Variants in ATN1 observed in about 807,000 individuals in gnomAD.
ATN1 encodes atrophin 1, also known as atrophin-1.
ATN1 carries 19 observed loss-of-function variants against 85.8 expected under a neutral mutation model. The observed-to-expected ratio is 0.22, with a 90% CI of 0.15 to 0.32. The LOEUF is 0.32. Ranked by LOEUF, ATN1 falls within the 10% of genes least tolerant of loss-of-function variation. ATN1 has a pLI of 1.00. For missense variants in ATN1, 1,453 were observed against 1,564.5 expected (o/e 0.93, Z 1.20); for synonymous variants, 674 against 657.0 (o/e 1.03, Z -0.39).
At chr12:6,925,481 C>T (rs1945391017), upstream of ATN1, among the ~76,000 whole-genome samples, 1 of 151,990 alleles carries the variant, frequency 6.6e-6, no homozygotes, top group Admixed American at 6.6e-5. Context: ...TGGGGAGGAG[C>T]AGCAGCTACC....
chr12:6,934,613 G>C lies in ATN1; in HGVS notation c.279+35G>C, dbSNP rs1555143370. On this transcript the variant is annotated intron_variant, in intron 4 of 9. Transcript: ENST00000396684. The surrounding 1 kb of genome is among the most constrained non-coding windows in gnomAD (Gnocchi z 4.5). ...CCTTGTCGCCATCCTGACCCATCTT[G>C]TGACCATTCTTTTCTCAGACTTGCT... 1 of 1,459,704 alleles carries C rather than the reference G, an allele frequency of 6.9e-7. No homozygotes were observed. The highest frequency in any genetic ancestry group is 9.4e-7 in the Non-Finnish European group (1 of 1,063,196). 90.4% of individuals were successfully genotyped at this position (1,459,704 alleles called of 1,614,324 possible). A position where few individuals can be genotyped will look rare whatever the true frequency, so the allele number is the denominator to read the frequency against.
chr12:6,926,166 T>C (rs1180422645), upstream of ATN1, among the ~76,000 whole-genome samples: 1 of 152,096 alleles, frequency 6.6e-6, no homozygotes, highest in Non-Finnish European at 1.5e-5. Flanking sequence ...GGGAGGAGCC[T>C]GCAGTCTGTG....
At chr12:6,933,741 T>G (rs1369970118) in intron 1 of ATN1, 99 bp from the exon 2 acceptor site, 1 of 568,688 alleles carries the variant, frequency 1.8e-6, no homozygotes, top group Non-Finnish European at 3.1e-6. Flanking sequence ...CCCAAAGGCT[T>G]AGGGTTGGGC....
At chr12:6,924,781 C>A (rs1369789028), upstream of ATN1, among the ~76,000 whole-genome samples, 2 of 152,098 alleles carry the variant, frequency 1.3e-5, no homozygotes, top group African/African-American at 4.8e-5. Flanking sequence ...GTTTCCTGTA[C>A]TTTCCTCTGT....
In ATN1 at chr12:6,941,924, G is replaced by A. The variant is rs782276312; in HGVS notation, c.*144G>A. On this transcript the variant is annotated 3_prime_UTR_variant, in exon 10 of 10. Transcript: ENST00000396684. This position sits in a 1 kb window ranked among gnomAD's most constrained non-coding sequence, Gnocchi z 5.9. ...GCCTCCGCAGCTGGACAGAGAGTGG[G>A]GGAGGGAGGGACAGACAGAAGGCCA... 1.9e-5 allele frequency: 15 copies of A among 807,356 alleles called. No homozygotes were observed. The East Asian group carries it at 3.8e-4, about 20-fold the overall frequency. 50.0% of individuals were successfully genotyped at this position (807,356 alleles called of 1,614,324 possible).
At position 6,937,199 on chromosome 12, in the gene ATN1, G is replaced by A. The variant is rs139183408; in HGVS notation, c.1932G>A (p.Pro644=). 124 of 1,610,988 alleles carry A rather than the reference G, an allele frequency of 7.7e-5. No individual in the cohort carries two copies. Among genetic ancestry groups the A allele is most frequent in the Admixed American group, 1.3e-4 (8 of 59,980 alleles). Residue 644 remains proline (P), a synonymous_variant, in exon 5 of 10, where the codon CCG becomes CCA. Coordinates refer to ENST00000396684, the MANE Select transcript of ATN1 (RefSeq NM_001940.4). This position sits in a 1 kb window ranked among gnomAD's most constrained non-coding sequence, Gnocchi z 6.0. ...PGPPPYGKRA[P]SPGAYKTATP... ...CCCCACCGTACGGAAAGAGAGCCCC[G>A]TCCCCGGGGGCCTACAAGACAGCCA...
intron 1 of ATN1, among the ~76,000 whole-genome samples, chr12:6,931,731 G>GAA (rs371352720): frequency 0.022 from 2,613 of 117,972 alleles, 92 homozygotes; most frequent in African/African-American, 0.079. Context: ...AAAAAAAAAG[G>GAA]AAAAAAAAAG....
upstream of ATN1, among the ~76,000 whole-genome samples, chr12:6,927,556 C>A (rs1452139747): frequency 6.7e-6 from 1 of 148,988 alleles, no homozygotes; most frequent in Non-Finnish European, 1.5e-5. Context: ...GGCCCGCGGG[C>A]TCCCCACATT....
chr12:6,928,630 AGGAG>A (rs1555142834), intron 1 of ATN1, among the ~76,000 whole-genome samples: 2 of 152,128 alleles, frequency 1.3e-5, no homozygotes, highest in African/African-American at 4.8e-5. Context: ...AAGGTGGGGA[AGGAG>A]GGAGGGTCTC....
chr12:6,937,593 G>A lies in ATN1; in HGVS notation c.2294+32G>A, dbSNP rs1945567518. 7.5e-6 allele frequency: 11 copies of A among 1,465,788 alleles called. No homozygotes were observed. Among genetic ancestry groups the A allele is most frequent in the Admixed American group, 2.7e-5 (1 of 37,006 alleles). The allele number at this position is 1,465,788 out of a possible 1,614,324, so 90.8% of individuals were successfully genotyped here. ...GGCCAGGTGGGGCGGAGGTGGGCCT[G>A]GAAAGGGGACGACGACAAGGCGGCG... is the stretch of plus-strand genomic sequence containing the variant. On this transcript the variant is annotated intron_variant, in intron 5 of 9. Coordinates refer to ENST00000396684, the MANE Select transcript of ATN1 (RefSeq NM_001940.4). The surrounding 1 kb of genome is among the most constrained non-coding windows in gnomAD (Gnocchi z 6.0).
chr12:6,938,550 T>C lies in ATN1; in HGVS notation c.2587T>C (p.Phe863Leu). The C allele has an allele frequency of 1.2e-6, 2 of 1,614,180 alleles. No homozygotes were observed. The highest frequency in any genetic ancestry group is 1.7e-6 in the Non-Finnish European group (2 of 1,179,988). The change falls in exon 7 of 10, where the codon TTT becomes CTT. Residue 863 changes from phenylalanine (F) to leucine (L), a missense_variant. Phe to Leu is a conservative substitution (Grantham distance 22). Transcript: ENST00000396684. ...SLGPVPHRPP[F>L]EPGSAVATVP... ...GGGCCCAGTGCCCCATCGCCCTCCA[T>C]TTGAACCGGGCAGTGCGGTGGCTAC... is the stretch of plus-strand genomic sequence containing the variant.
rs782571716 is a variant in ATN1 at position 6,938,832 on chromosome 12, C to A, written c.2869C>A (p.Leu957Met). 4.1e-5 allele frequency: 66 copies of A among 1,614,046 alleles called. No individual in the cohort carries two copies. The highest frequency in any genetic ancestry group is 5.6e-5 in the Non-Finnish European group (66 of 1,180,028). The change falls in exon 7 of 10, where the codon CTG becomes ATG. Residue 957 changes from leucine to methionine, a missense_variant. By Grantham distance (15) the Leu-to-Met change is conservative (BLOSUM62 2). This residue lies in a region of ATN1 where 208 missense variants were observed against 263.4 expected (regional missense o/e 0.79). Coordinates refer to ENST00000396684, the MANE Select transcript of ATN1 (RefSeq NM_001940.4). ...TGGCTTTGAGGTGAAGCCTAGTGAG[C>A]TGGAACCCCTACATGGGGTCCCTGG... ...KPGFEVKPSE[L>M]EPLHGVPGPG... is the part of the protein sequence containing the mutation.
At chr12:6,932,081 G>C (rs1310069795) in intron 1 of ATN1, among the ~76,000 whole-genome samples, 1 of 147,700 alleles carries the variant, frequency 6.8e-6, no homozygotes, top group Non-Finnish European at 1.5e-5. Context: ...ACTGGGCAGA[G>C]CATCAGTTGA....
rs781907240 is a variant in ATN1, at chr12:6,936,219, C to G, written c.952C>G (p.Pro318Ala). 6.2e-7 allele frequency: 1 copy of G among 1,600,818 alleles called. No individual in the cohort carries two copies. The highest frequency in any genetic ancestry group is 8.5e-7 in the Non-Finnish European group (1 of 1,172,594). ...CCTCAACAATGCATCAGCCTCTCCCCCTGGCCTGGGGGCCCAACCACTACC... is the reference window on the plus strand; with the variant it reads ...CCTCAACAATGCATCAGCCTCTCCCGCTGGCCTGGGGGCCCAACCACTACC... The part of the protein sequence containing the change: ...RPLNNASASP[P>A]GLGAQPLPGH... Residue 318 changes from proline to alanine, a missense_variant, in exon 5 of 10, where the codon CCT (proline) becomes GCT (alanine). By Grantham distance (27) the Pro-to-Ala change is conservative. This residue lies in a region of ATN1 where 990 missense variants were observed against 914.8 expected (regional missense o/e 1.08). Coordinates refer to ENST00000396684, the MANE Select transcript of ATN1 (RefSeq NM_001940.4).
rs782174817 is a variant in ATN1 at position 6,936,949 on chromosome 12, C to T, written c.1682C>T (p.Ala561Val). Residue 561 changes from alanine (A) to valine (V), a missense_variant, in exon 5 of 10, where the codon GCA (alanine) becomes GTA (valine). Coordinates refer to ENST00000396684, the MANE Select transcript of ATN1 (RefSeq NM_001940.4). ...PPHSQVSYSQ[A>V]GPNGPPVSSS... The stretch of plus-strand genomic sequence containing the variant: ...CACAGCCAGGTGTCCTACAGCCAAG[C>T]AGGCCCCAATGGCCCTCCAGTCTCT... 2.5e-6 allele frequency: 4 copies of T among 1,613,964 alleles called. No homozygotes were observed. In the South Asian group the frequency reaches 3.3e-5, roughly 13 times the overall value.
At chr12:6,930,151 T>A (rs975523054) in intron 1 of ATN1, among the ~76,000 whole-genome samples, 4 of 152,220 alleles carry the variant, frequency 2.6e-5, no homozygotes, top group African/African-American at 9.6e-5. Context: ...GCTTCATTGT[T>A]AAGATGAAGG....
In ATN1 at chr12:6,935,440, C is replaced by T. The variant is rs1334704111; in HGVS notation, c.280-107C>T. ...TTGAGCAAGAGTACTCACCACATCA[C>T]AGTACAACAGTGTGCTGTGAGGGGA... On this transcript the variant is annotated intron_variant, in intron 4 of 9. Transcript: ENST00000396684. This position sits in a 1 kb window ranked among gnomAD's most constrained non-coding sequence, Gnocchi z 5.3. 6 of 1,277,912 alleles carry T rather than the reference C, an allele frequency of 4.7e-6. No individual in the cohort carries two copies. The African/African-American group carries it at 7.4e-5, about 16-fold the overall frequency. The allele number at this position is 1,277,912 out of a possible 1,614,324, so 79.2% of individuals were successfully genotyped here.
chr12:6,925,328 G>C (rs1945389686), upstream of ATN1, among the ~76,000 whole-genome samples: 1 of 152,124 alleles, frequency 6.6e-6, no homozygotes, highest in Admixed American at 6.5e-5. Flanking sequence ...AAACAAGGGA[G>C]AAGAGCTCAG....
chr12:6,942,043 CT>C lies in ATN1; in HGVS notation c.*264del, dbSNP rs1297283256. On this transcript the variant is annotated 3_prime_UTR_variant, in exon 10 of 10. Transcript: ENST00000396684. ...ACCAGGTCTCTCTTCCTTGTCCCCC[CT>C]GCTTTTCTCCTCCCCCATGCCCAAC... 1.1e-5 allele frequency: 6 copies of C among 541,496 alleles called. No individual in the cohort carries two copies. In the East Asian group the frequency reaches 1.5e-4, roughly 14 times the overall value. The allele number at this position is 541,496 out of a possible 1,614,324, so 33.5% of individuals were successfully genotyped here.
Sources: gnomAD v4.1 joint callset for allele counts (sites outside exome capture counted in the v4.1 genomes callset) on GRCh38, gnomAD v4.1.1 for gene constraint, gnomAD v4.1.1 regional missense constraint, Gnocchi (gnomAD v3.1) non-coding constraint, MANE v1.5 for transcripts, NCBI Gene and HGNC (gene_info 2026-07-23, HGNC 2026-07-21) for gene names.